The following RALYL variants were observed in gnomAD, a reference collection of about 807,000 sequenced individuals.
RALYL encodes the protein RNA-binding Raly-like protein.
A neutral mutation model predicts 35.1 loss-of-function variants in RALYL; 29 were observed. The observed-to-expected ratio is 0.83, with a 90% confidence interval of 0.61 to 1.13. The LOEUF is 1.13. Among genes scored for constraint, RALYL ranks in the 50% most tolerant of loss-of-function variants. The pLI, the probability that RALYL is intolerant of heterozygous loss-of-function variation, is 0.00. For synonymous variants in RALYL, 120 were observed against 127.6 expected (o/e 0.94, Z 0.40); for missense variants, 359 against 360.4 (o/e 1.00, Z 0.03).
At chr8:84,861,453 T>C (rs977977721) in intron 5 of RALYL, among the ~76,000 whole-genome samples, 2 of 152,212 alleles carry the variant, frequency 1.3e-5, no homozygotes, top group African/African-American at 4.8e-5. Context: ...ATTCCTTTCA[T>C]TGTTTAATGG....
intron 1 of RALYL, among the ~76,000 whole-genome samples, chr8:84,292,596 G>T (rs1462723886): frequency 1.3e-5 from 2 of 152,102 alleles, no homozygotes; most frequent in East Asian, 1.9e-4. Flanking sequence ...AAAACAAGTT[G>T]CAGTAAAGAA....
intron 1 of RALYL, among the ~76,000 whole-genome samples, chr8:84,252,519 T>G (rs934009434): frequency 2.6e-5 from 4 of 152,162 alleles, no homozygotes; most frequent in African/African-American, 9.7e-5. Context: ...GGCGCAGACC[T>G]ATTCTGAAGG....
chr8:84,753,395 T>C (rs1810551295), intron 2 of RALYL, among the ~76,000 whole-genome samples: 1 of 152,166 alleles, frequency 6.6e-6, no homozygotes, highest in African/African-American at 2.4e-5. Flanking sequence ...AATGCTAGAA[T>C]GGGTTAAGAC....
At chr8:84,569,200 A>C (rs1807288695) in intron 2 of RALYL, among the ~76,000 whole-genome samples, 1 of 151,952 alleles carries the variant, frequency 6.6e-6, no homozygotes, top group Admixed American at 6.6e-5. Context: ...GTAAGTCTTT[A>C]ATCTATCTTG....
chr8:84,580,411 TTCAC>T lies in RALYL; in HGVS notation c.256+50838_256+50841del, dbSNP rs1293092112. The stretch of plus-strand genomic sequence containing the variant: ...TTTCTGATGAGCACCTCAGGCAGCT[TTCAC>T]TCAAAGTGGAAGATAAAGTGGACCA... On this transcript the variant is annotated intron_variant, in intron 2 of 8. Coordinates refer to ENST00000521268, the MANE Select transcript of RALYL (RefSeq NM_173848.7). Among the ~76,000 whole-genome samples, 2 of 152,040 alleles carry T rather than the reference TTCAC, an allele frequency of 1.3e-5. 1 individual carries two copies.
chr8:84,334,517 T>C (rs1563749830), intron 1 of RALYL, among the ~76,000 whole-genome samples: 1 of 151,120 alleles, frequency 6.6e-6, no homozygotes, highest in Non-Finnish European at 1.5e-5. Context: ...TATCATAAAA[T>C]ATATAATTAA....
chr8:84,703,337 A>G (rs1046727518), intron 2 of RALYL, among the ~76,000 whole-genome samples: 3 of 152,172 alleles, frequency 2.0e-5, no homozygotes, highest in Admixed American at 6.6e-5. Flanking sequence ...GAAATTGCCT[A>G]TATGGAGCCT....
At chr8:84,374,720 G>A (rs1461604787) in intron 1 of RALYL, among the ~76,000 whole-genome samples, 2 of 151,784 alleles carry the variant, frequency 1.3e-5, no homozygotes, top group Non-Finnish European at 2.9e-5. Flanking sequence ...GGTGGAGGGT[G>A]CAAGGAGGGA....
intron 1 of RALYL, among the ~76,000 whole-genome samples, chr8:84,471,374 G>A (rs570302241): frequency 6.6e-6 from 1 of 151,500 alleles, no homozygotes; most frequent in African/African-American, 2.4e-5. Flanking sequence ...CTTGAGGCCA[G>A]GAGTTCTAGA....
At chr8:84,418,184 A>G (rs1775035880) in intron 1 of RALYL, among the ~76,000 whole-genome samples, 1 of 152,134 alleles carries the variant, frequency 6.6e-6, no homozygotes, top group South Asian at 2.1e-4. Context: ...GCCAAAAAAT[A>G]TGGGGTCAGA....
intron 1 of RALYL, among the ~76,000 whole-genome samples, chr8:84,227,223 G>A (rs28441128): frequency 0.38 from 57,345 of 151,226 alleles, 11,095 homozygotes; most frequent in Non-Finnish European, 0.43. Flanking sequence ...CCACACCTGG[G>A]TAATTTTTGT....
intron 1 of RALYL, among the ~76,000 whole-genome samples, chr8:84,478,749 A>T (rs1397198084): frequency 6.6e-6 from 1 of 151,904 alleles, no homozygotes; most frequent in Non-Finnish European, 1.5e-5. Flanking sequence ...GTTTTTGCAC[A>T]GAGGCTGTCT....
chr8:84,752,045 G>A (rs1348850220), intron 2 of RALYL, among the ~76,000 whole-genome samples: 2 of 152,192 alleles, frequency 1.3e-5, no homozygotes, highest in Non-Finnish European at 2.9e-5. Context: ...ATGAGGGAAG[G>A]TTTGGAATTT....
chr8:84,470,416 G>A (rs748177948), intron 1 of RALYL, among the ~76,000 whole-genome samples: 1 of 151,224 alleles, frequency 6.6e-6, no homozygotes, highest in Non-Finnish European at 1.5e-5. Context: ...AACAGGAGGT[G>A]GTTTTCTTGA....
chr8:84,544,141 C>T (rs1401748759), intron 2 of RALYL, among the ~76,000 whole-genome samples: 2 of 151,962 alleles, frequency 1.3e-5, no homozygotes, highest in Non-Finnish European at 2.9e-5. Context: ...TGGAGTGGTT[C>T]TCCTCTGTGA....
intron 2 of RALYL, among the ~76,000 whole-genome samples, chr8:84,552,015 T>C (rs941519928): frequency 3.4e-4 from 51 of 151,158 alleles, no homozygotes; most frequent in South Asian, 1.2e-3. Context: ...TGTGCACACA[T>C]ACACATACAG....
intron 4 of RALYL, among the ~76,000 whole-genome samples, chr8:84,807,027 G>T (rs1272726941): frequency 6.6e-6 from 1 of 151,984 alleles, no homozygotes; most frequent in Non-Finnish European, 1.5e-5. Flanking sequence ...ATAAAAGCAT[G>T]TATGTAGCTC....
At chr8:84,400,058 G>T (rs1388987765) in intron 1 of RALYL, among the ~76,000 whole-genome samples, 2 of 152,148 alleles carry the variant, frequency 1.3e-5, no homozygotes, top group Admixed American at 1.3e-4. Context: ...AGAGGTTGCA[G>T]TGAGTCAAGA....
chr8:84,709,086 T>A (rs1458131080), intron 2 of RALYL, among the ~76,000 whole-genome samples: 1 of 152,210 alleles, frequency 6.6e-6, no homozygotes, highest in Admixed American at 6.6e-5. Context: ...GAAATCTAAA[T>A]ACTAGTCATC....
Sources: gnomAD v4.1 joint callset for allele counts (sites outside exome capture counted in the v4.1 genomes callset) on GRCh38, gnomAD v4.1.1 for gene constraint, MANE v1.5 for transcripts, NCBI Gene and HGNC (gene_info 2026-07-23, HGNC 2026-07-21) for gene names.